The following SGSM1 variants were observed in gnomAD, a reference collection of about 807,000 sequenced individuals.
SGSM1 encodes RUN and TBC1 domain containing 2.
A neutral mutation model predicts 133.8 loss-of-function variants in SGSM1; 73 were observed. The observed-to-expected ratio is 0.55, with a 90% confidence interval of 0.45 to 0.66. SGSM1 has a LOEUF of 0.66. Among genes scored for constraint, SGSM1 ranks in the 30% least tolerant of loss-of-function variants. SGSM1 has a pLI of 0.00. For synonymous variants in SGSM1, 563 were observed against 573.0 expected (o/e 0.98, Z 0.25); for missense variants, 1,213 against 1,448.1 (o/e 0.84, Z 2.64).
rs111513423 is a variant in SGSM1, at chr22:24,906,982, C to T, written c.2818+1795C>T. 5.6e-3 allele frequency among the ~76,000 whole-genome samples: 833 copies of T among 148,702 alleles called. 9 individuals carry two copies. Among genetic ancestry groups the T allele is most frequent in the African/African-American group, 0.017 (703 of 40,334 alleles). On this transcript the variant is annotated intron_variant, in intron 21 of 24. Transcript: ENST00000400358. ...TAAAATAAAAAATAAATAAATAGGC[C>T]GGGCATGGTGGATCACGCCTGTAAT...
At chr22:24,858,592 C>T (rs1215734524) in intron 8 of SGSM1, among the ~76,000 whole-genome samples, 1 of 148,948 alleles carries the variant, frequency 6.7e-6, no homozygotes, top group African/African-American at 2.5e-5. Flanking sequence ...GCCGAGATCG[C>T]GCCGCTGTCC....
chr22:24,877,802 CTTTTTTTTTT>C (rs36036968), intron 13 of SGSM1, among the ~76,000 whole-genome samples: 3 of 75,452 alleles, frequency 4.0e-5, no homozygotes, highest in Admixed American at 1.9e-4. Flanking sequence ...TTCTTTCTTT[CTTTTTTTTTT>C]TTTTTTTTTT....
chr22:24,898,328 C>T lies in SGSM1; in HGVS notation c.2379C>T (p.Asp793=), dbSNP rs780417324. Reference sequence around the variant, plus strand: ...ACCTCCTGGCCAACGAGAGCATGGACGAGTTCATGTCCATCACGGGCAGCC... The same window carrying T: ...ACCTCCTGGCCAACGAGAGCATGGATGAGTTCATGTCCATCACGGGCAGCC... ...ESDLLANESM[D]EFMSITGSLD... is the part of the protein sequence containing the mutation. Residue 793 remains aspartate (D), a synonymous_variant, in exon 19 of 25, where the codon GAC becomes GAT. Coordinates refer to ENST00000400358, the MANE Select transcript of SGSM1 (RefSeq NM_001098497.3). 1.1e-5 allele frequency: 17 copies of T among 1,613,776 alleles called. No individual in the cohort carries two copies. The highest frequency in any genetic ancestry group is 4.0e-5 in the African/African-American group (3 of 74,900).
At chr22:24,912,838 C>A in intron 22 of SGSM1, 86 bp downstream of exon 22, 2 of 856,406 alleles carry the variant, frequency 2.3e-6, no homozygotes, top group Non-Finnish European at 1.9e-6. Flanking sequence ...CTATTTAGAG[C>A]CCACCTGGAT....
rs184752956 is a variant in SGSM1 at position 24,866,635 on chromosome 22, C to T, written c.927-458C>T. 5.6e-4 allele frequency among the ~76,000 whole-genome samples: 85 copies of T among 152,336 alleles called. 1 individual carries two copies. In the Middle Eastern group the frequency reaches 0.01, roughly 18 times the overall value. On this transcript the variant is annotated intron_variant, in intron 9 of 24. Coordinates refer to ENST00000400358, the MANE Select transcript of SGSM1 (RefSeq NM_001098497.3). ...TTTTGACACCATTCTCAGGCATAGT[C>T]GCTTCCATCTTCAGACTTCTGCCCT...
At chr22:24,838,011 A>G (rs2092670) in intron 2 of SGSM1, among the ~76,000 whole-genome samples, 29,434 of 152,118 alleles carry the variant, frequency 0.19, 2,986 homozygotes, top group Non-Finnish European at 0.23. Context: ...GTGGCTTGCC[A>G]CCCACACAAT....
At chr22:24,872,930 AG>A (rs1241071941) in intron 12 of SGSM1, among the ~76,000 whole-genome samples, 1 of 151,666 alleles carries the variant, frequency 6.6e-6, no homozygotes, top group Non-Finnish European at 1.5e-5. Flanking sequence ...AAAAAAAAAA[AG>A]AAATTTTTTT....
In SGSM1 at chr22:24,868,527, C is replaced by A; in HGVS notation, c.1146C>A (p.Ser382=). The part of the protein sequence containing the change: ...PHGQLDPPLW[S]QRGKGKVFPK... ...GGCAGTTGGACCCGCCACTGTGGTC[C>A]CAGAGGGGTAAGGTGAGTGATCATC... Residue 382 remains serine (S), a synonymous_variant, in exon 11 of 25, where the codon TCC becomes TCA. Coordinates refer to ENST00000400358, the MANE Select transcript of SGSM1 (RefSeq NM_001098497.3). The A allele has an allele frequency of 6.2e-7, 1 of 1,613,862 alleles. No individual in the cohort carries two copies. Among genetic ancestry groups the A allele is most frequent in the South Asian group, 1.1e-5 (1 of 91,068 alleles).
Position 24,856,193 on chromosome 22 carries a change from A to G in SGSM1, c.801+513A>G, listed in dbSNP as rs1256164523. On this transcript the variant is annotated intron_variant, in intron 8 of 24. Coordinates refer to ENST00000400358, the MANE Select transcript of SGSM1 (RefSeq NM_001098497.3). Reference sequence around the variant, plus strand: ...CATGGACCTGCTATGTGCTAGGTGCATATGGTAGCAAGATCTTCATTCTCA... The same window carrying G: ...CATGGACCTGCTATGTGCTAGGTGCGTATGGTAGCAAGATCTTCATTCTCA... The G allele has an allele frequency of 1.3e-5, 4 of 306,666 alleles. 1 individual carries two copies. Among genetic ancestry groups the G allele is most frequent in the South Asian group, 1.2e-4 (4 of 34,260 alleles). The allele number at this position is 306,666 out of a possible 1,614,324, so 19.0% of individuals were successfully genotyped here. A position where few individuals can be genotyped will look rare whatever the true frequency, so the allele number is the denominator to read the frequency against.
rs1293534229 is a variant in SGSM1 at position 24,912,713 on chromosome 22, C to T, written c.2889C>T (p.Ala963=). 6.2e-7 allele frequency: 1 copy of T among 1,613,728 alleles called. No homozygotes were observed. The highest frequency in any genetic ancestry group is 2.2e-5 in the East Asian group (1 of 44,868). Residue 963 remains alanine, a synonymous_variant, in exon 22 of 25, where the codon GCC becomes GCT. Coordinates refer to ENST00000400358, the MANE Select transcript of SGSM1 (RefSeq NM_001098497.3). ...RMNQNFPHGG[A]MDTHFANMRS... ...ACCAGAACTTCCCCCACGGAGGCGCCATGGACACGCACTTTGCAAACATGA... is the reference window on the plus strand; with the variant it reads ...ACCAGAACTTCCCCCACGGAGGCGCTATGGACACGCACTTTGCAAACATGA...
chr22:24,891,676 C>T (rs1483145091), intron 16 of SGSM1, among the ~76,000 whole-genome samples: 3 of 152,072 alleles, frequency 2.0e-5, no homozygotes, highest in Non-Finnish European at 4.4e-5. Context: ...GAGGTCCTTC[C>T]CAGTTTCATG....
intron 23 of SGSM1, among the ~76,000 whole-genome samples, chr22:24,918,501 A>AAC (rs1933899254): frequency 6.6e-6 from 1 of 151,618 alleles, no homozygotes; most frequent in South Asian, 2.1e-4. Flanking sequence ...ATCTCAAAAA[A>AAC]AAAAAAAAAT....
intron 2 of SGSM1, among the ~76,000 whole-genome samples, chr22:24,824,590 G>C (rs1192233955): frequency 8.1e-6 from 1 of 123,822 alleles, no homozygotes; most frequent in Non-Finnish European, 1.7e-5. Context: ...TCCATAGGCT[G>C]TTTCTCCCTG....
At chr22:24,922,592 T>C (rs1426163019) in intron 24 of SGSM1, among the ~76,000 whole-genome samples, 2 of 151,294 alleles carry the variant, frequency 1.3e-5, no homozygotes, top group East Asian at 2.0e-4. Flanking sequence ...TCTCCTGCCT[T>C]AGCCTCCCAA....
In SGSM1 at chr22:24,887,941, C is replaced by T. The variant is rs150441633; in HGVS notation, c.1770+1213C>T. On this transcript the variant is annotated intron_variant, in intron 16 of 24. Coordinates refer to ENST00000400358, the MANE Select transcript of SGSM1 (RefSeq NM_001098497.3). Reference sequence around the variant, plus strand: ...CTTGTTTTAATTTGCATTTCCTAAACGGCTAATGAAGTTGAAGGTCTTTTC... The same window carrying T: ...CTTGTTTTAATTTGCATTTCCTAAATGGCTAATGAAGTTGAAGGTCTTTTC... Among the ~76,000 whole-genome samples, 8 of 152,270 alleles carry T rather than the reference C, an allele frequency of 5.3e-5. No individual in the cohort carries two copies. The East Asian group carries it at 5.8e-4, about 11-fold the overall frequency.
In SGSM1 at chr22:24,919,998, C is replaced by G; in HGVS notation, c.3193+5C>G. 2.5e-6 allele frequency: 4 copies of G among 1,589,690 alleles called. No individual in the cohort carries two copies. The highest frequency in any genetic ancestry group is 3.4e-6 in the Non-Finnish European group (4 of 1,167,894). On this transcript the variant is annotated splice_donor_5th_base_variant and intron_variant, in intron 24 of 24. Transcript: ENST00000400358. The stretch of plus-strand genomic sequence containing the variant: ...ACATCATCAAATTCTTTAATGGTAC[C>G]CACATGACTGGGGCCTCATGAGAGG...
At chr22:24,902,097 G>A (rs1176705824) in intron 20 of SGSM1, 140 bp downstream of exon 20, 1 of 907,052 alleles carries the variant, frequency 1.1e-6, no homozygotes, top group Non-Finnish European at 1.7e-6. Flanking sequence ...AGCCCACAGT[G>A]AAAATTTAAC....
chr22:24,886,663 A>G lies in SGSM1; in HGVS notation c.1705A>G (p.Lys569Glu), dbSNP rs1413311277. 1 of 1,565,954 alleles carries G rather than the reference A, an allele frequency of 6.4e-7. No individual in the cohort carries two copies. The highest frequency in any genetic ancestry group is 1.4e-5 in the African/African-American group (1 of 73,782). Reference protein sequence around the residue: ...YYGGIQPEIRKAVWPFLLGHY... With the variant: ...YYGGIQPEIREAVWPFLLGHY... Reference sequence around the variant, plus strand: ...CGGGGGCATCCAGCCTGAGATCCGCAAGGCCGTGTGGCCCTTCCTCCTGGG... The same window carrying G: ...CGGGGGCATCCAGCCTGAGATCCGCGAGGCCGTGTGGCCCTTCCTCCTGGG... The change falls in exon 16 of 25, where the codon AAG becomes GAG. Residue 569 changes from lysine (K) to glutamate (E), a missense_variant. Coordinates refer to ENST00000400358, the MANE Select transcript of SGSM1 (RefSeq NM_001098497.3).
chr22:24,845,835 T>C (rs1930063339), intron 3 of SGSM1, among the ~76,000 whole-genome samples: 1 of 143,372 alleles, frequency 7.0e-6, no homozygotes, highest in South Asian at 2.1e-4. Context: ...GCCGCTTTCT[T>C]GGGAGGCAAG....
Sources: gnomAD v4.1 joint callset for allele counts (sites outside exome capture counted in the v4.1 genomes callset) on GRCh38, gnomAD v4.1.1 for gene constraint, MANE v1.5 for transcripts, NCBI Gene and HGNC (gene_info 2026-07-23, HGNC 2026-07-21) for gene names.